The following ANKHD1 variants were observed in gnomAD, a reference collection of about 807,000 sequenced individuals.
ANKHD1 encodes ankyrin repeat and KH domain-containing protein 1.
In ANKHD1, 31 loss-of-function variants were observed where a neutral mutation model predicts 230.5. The ratio of observed to expected loss-of-function variants is 0.13; its 90% CI spans 0.10 to 0.18. ANKHD1 has a LOEUF of 0.18. Ranked by LOEUF, ANKHD1 falls within the 10% of genes least tolerant of loss-of-function variation. The pLI is 1.00. For missense variants in ANKHD1, 2,256 were observed against 3,071.3 expected, an observed-to-expected ratio of 0.73 and a Z score of 6.27; for synonymous variants, 1,074 against 1,117.6, an observed-to-expected ratio of 0.96 and a Z score of 0.78.
intron 15 of ANKHD1, among the ~76,000 whole-genome samples, chr5:140,502,503 T>A (rs1328457177): frequency 3.9e-5 from 6 of 152,160 alleles, no homozygotes; most frequent in South Asian, 2.1e-4. Flanking sequence ...TTCAAAAAAA[T>A]TTTTATATAC....
intron 11 of ANKHD1, 125 bp from the exon 12 acceptor site, chr5:140,484,996 C>T: frequency 2.2e-6 from 3 of 1,365,140 alleles, no homozygotes; most frequent in Non-Finnish European, 2.9e-6. Context: ...TCAAACTATA[C>T]ACTTAATGAT....
Position 140,445,877 on chromosome 5 carries a change from A to G in ANKHD1, c.1049A>G (p.His350Arg), listed in dbSNP as rs865857021. The part of the protein sequence containing the change: ...TPLMEAASAG[H>R]VEVARVLLDH... The stretch of plus-strand genomic sequence containing the variant: ...TTAATGGAAGCAGCCAGTGCAGGTC[A>G]TGTGGAAGTTGCAAGAGTTCTTTTA... Residue 350 changes from histidine (H) to arginine (R), a missense_variant, in exon 6 of 34, where the codon CAT becomes CGT. Coordinates refer to ENST00000360839, the MANE Select transcript of ANKHD1 (RefSeq NM_017747.3). 6.2e-7 allele frequency: 1 copy of G among 1,613,838 alleles called. No homozygotes were observed. Among genetic ancestry groups the G allele is most frequent in the African/African-American group, 1.3e-5 (1 of 75,066 alleles).
intron 1 of ANKHD1, among the ~76,000 whole-genome samples, chr5:140,421,941 G>A (rs904294200): frequency 2.6e-5 from 4 of 152,116 alleles, no homozygotes; most frequent in African/African-American, 9.7e-5. Context: ...ATAGTATCAC[G>A]AGTACTATTG....
At position 140,496,577 on chromosome 5, in the gene ANKHD1, C is replaced by T; in HGVS notation, c.2303C>T (p.Ser768Phe). Residue 768 changes from serine (S) to phenylalanine (F), a missense_variant, in exon 15 of 34, where the codon TCT becomes TTT. Transcript: ENST00000360839. ...GTAGCAGATCAGGACCTACTGCCAT[C>T]TTTTCACCCATACCAGCCTTTGGAG... ...LQVADQDLLP[S>F]FHPYQPLECI... 1 of 1,597,054 alleles carries T rather than the reference C, an allele frequency of 6.3e-7. No individual in the cohort carries two copies. Among genetic ancestry groups the T allele is most frequent in the Non-Finnish European group, 8.5e-7 (1 of 1,172,248 alleles).
At chr5:140,458,915 G>A in intron 8 of ANKHD1, 53 bp downstream of exon 8, 2 of 1,381,200 alleles carry the variant, frequency 1.4e-6, no homozygotes, top group South Asian at 1.4e-5. Context: ...GATGTTTTGT[G>A]TTAGTACTGG....
At chr5:140,501,243 A>AT (rs1752291280) in intron 15 of ANKHD1, among the ~76,000 whole-genome samples, 1 of 150,886 alleles carries the variant, frequency 6.6e-6, no homozygotes, top group Non-Finnish European at 1.5e-5. Flanking sequence ...TGCCTGACTA[A>AT]TTTTTTTTGT....
chr5:140,431,668 A>T (rs1488539406), intron 1 of ANKHD1, among the ~76,000 whole-genome samples: 1 of 152,220 alleles, frequency 6.6e-6, no homozygotes, highest in Non-Finnish European at 1.5e-5. Flanking sequence ...TAGAACTGGT[A>T]CTTGAACCTT....
intron 7 of ANKHD1, among the ~76,000 whole-genome samples, chr5:140,457,964 A>G (rs1775342265): frequency 6.6e-6 from 1 of 152,176 alleles, no homozygotes. Flanking sequence ...TTGTTAATTG[A>G]CTTACTGTCT....
chr5:140,506,757 C>A lies in ANKHD1; in HGVS notation c.3409-78C>A. 1 of 1,569,176 alleles carries A rather than the reference C, an allele frequency of 6.4e-7. No individual in the cohort carries two copies. Among genetic ancestry groups the A allele is most frequent in the East Asian group, 2.3e-5 (1 of 43,938 alleles). On this transcript the variant is annotated intron_variant, in intron 18 of 33. Transcript: ENST00000360839. The surrounding 1 kb of genome is among the most constrained non-coding windows in gnomAD (Gnocchi z 4.7). ...TATTTAGATAAGGAAGTTATAAGTC[C>A]TGTTTCTTTGTGTTTCCTTCATTAT... is the stretch of plus-strand genomic sequence containing the variant.
At chr5:140,496,461 CT>C (rs770445733) in intron 14 of ANKHD1, 58 bp from the exon 15 acceptor site, 92,870 of 507,980 alleles carry the variant, frequency 0.18, 38 homozygotes, top group Non-Finnish European at 0.2. Flanking sequence ...TTTTTCTTTT[CT>C]TTTTTTTTTT....
intron 10 of ANKHD1, among the ~76,000 whole-genome samples, chr5:140,466,069 C>T (rs1776060261): frequency 6.6e-6 from 1 of 152,182 alleles, no homozygotes; most frequent in Non-Finnish European, 1.5e-5. Context: ...AACAAAGTCA[C>T]TGTCTTAACC....
chr5:140,456,038 G>A (rs1293013771), intron 7 of ANKHD1, among the ~76,000 whole-genome samples: 1 of 152,254 alleles, frequency 6.6e-6, no homozygotes, highest in East Asian at 1.9e-4. Flanking sequence ...AAATCAATGT[G>A]CAAAAATCAC....
chr5:140,403,003 C>G (rs1226660908), intron 1 of ANKHD1, among the ~76,000 whole-genome samples: 1 of 96,660 alleles, frequency 1.0e-5, no homozygotes, highest in Non-Finnish European at 1.9e-5. Context: ...GATGGAGTTT[C>G]GCTCTTGTTG....
rs1356182666 is a variant in ANKHD1 at position 140,427,168 on chromosome 5, C to T, written c.307-8936C>T. Among the ~76,000 whole-genome samples, 320 of 150,368 alleles carry T rather than the reference C, an allele frequency of 2.1e-3. 1 individual carries two copies. Among genetic ancestry groups the T allele is most frequent in the African/African-American group, 7.2e-3 (293 of 40,966 alleles). On this transcript the variant is annotated intron_variant, in intron 1 of 33. Coordinates refer to ENST00000360839, the MANE Select transcript of ANKHD1 (RefSeq NM_017747.3). ...GGGCTGACCCCCCCCACCTCCCTCC[C>T]GGACGGGGCAGCTGGCCGGGCAGAG...
In ANKHD1 at chr5:140,538,805, T is replaced by C. The variant is rs78614173; in HGVS notation, c.7405-114T>C. On this transcript the variant is annotated intron_variant, in intron 32 of 33. Coordinates refer to ENST00000360839, the MANE Select transcript of ANKHD1 (RefSeq NM_017747.3). Reference sequence around the variant, plus strand: ...GCCATACTGTACTTATAGGATCTTTTGGAGTTCTTTAAATGAGGAATATTA... The same window carrying C: ...GCCATACTGTACTTATAGGATCTTTCGGAGTTCTTTAAATGAGGAATATTA... 2,277 of 1,210,630 alleles carry C rather than the reference T, an allele frequency of 1.9e-3. 25 individuals carry two copies. The African/African-American group carries it at 0.025, about 13-fold the overall frequency. 75.0% of individuals were successfully genotyped at this position (1,210,630 alleles called of 1,614,324 possible). A position where few individuals can be genotyped will look rare whatever the true frequency, so the allele number is the denominator to read the frequency against.
chr5:140,428,565 CAGTG>C (rs1230103491), intron 1 of ANKHD1, among the ~76,000 whole-genome samples: 1 of 152,154 alleles, frequency 6.6e-6, no homozygotes, highest in Non-Finnish European at 1.5e-5. Context: ...AGGGAGGTTG[CAGTG>C]AGCCCAGATG....
At chr5:140,513,033 T>G in intron 23 of ANKHD1, 110 bp downstream of exon 23, 1 of 1,062,552 alleles carries the variant, frequency 9.4e-7, no homozygotes, top group African/African-American at 1.6e-5. Flanking sequence ...GGTCACCTGA[T>G]CTCTTTATGC....
chr5:140,482,679 G>T lies in ANKHD1; in HGVS notation c.1870+12G>T. 1 of 1,609,276 alleles carries T rather than the reference G, an allele frequency of 6.2e-7. No homozygotes were observed. Among genetic ancestry groups the T allele is most frequent in the Non-Finnish European group, 8.5e-7 (1 of 1,178,600 alleles). Reference sequence around the variant, plus strand: ...TCTTATTAGCAAAGGTAAAGAAAGGGCAAGTGATCATTTCCAAGAGGCTAC... The same window carrying T: ...TCTTATTAGCAAAGGTAAAGAAAGGTCAAGTGATCATTTCCAAGAGGCTAC... On this transcript the variant is annotated intron_variant, in intron 11 of 33. Coordinates refer to ENST00000360839, the MANE Select transcript of ANKHD1 (RefSeq NM_017747.3).
intron 10 of ANKHD1, among the ~76,000 whole-genome samples, chr5:140,466,803 C>T (rs1309951353): frequency 4.0e-5 from 6 of 151,898 alleles, no homozygotes; most frequent in Admixed American, 6.6e-5. Flanking sequence ...AAAAATTAGC[C>T]GGGCATGGTG....
Sources: gnomAD v4.1 joint callset for allele counts (sites outside exome capture counted in the v4.1 genomes callset) on GRCh38, gnomAD v4.1.1 for gene constraint, Gnocchi (gnomAD v3.1) non-coding constraint, MANE v1.5 for transcripts, NCBI Gene and HGNC (gene_info 2026-07-23, HGNC 2026-07-21) for gene names.